Variants in LTBP2 observed in about 807,000 individuals in gnomAD.
LTBP2 encodes the protein latent-transforming growth factor beta-binding protein 2.
Under a neutral mutation model 210.6 loss-of-function variants are expected in LTBP2, and 103 were observed. The observed-to-expected ratio is 0.49, with a 90% CI of 0.42 to 0.58. The LOEUF is 0.58. Ranked by LOEUF, LTBP2 falls within the 20% of genes least tolerant of loss-of-function variation. The probability of loss-of-function intolerance (pLI) is 0.00; values close to 1 mark genes in which losing one functional copy is unlikely to be tolerated. For missense variants in LTBP2, 2,313 were observed against 2,494.5 expected (o/e 0.93, Z 1.55); for synonymous variants, 1,007 against 1,015.0 (o/e 0.99, Z 0.15).
rs764520050 is a variant in LTBP2 at position 74,506,899 on chromosome 14, ACT to A, written c.3908-78_3908-77del. 2.1e-5 allele frequency: 26 copies of A among 1,224,510 alleles called. 1 individual carries two copies. The highest frequency in any genetic ancestry group is 1.6e-4 in the East Asian group (5 of 32,018). The allele number at this position is 1,224,510 out of a possible 1,614,324, so 75.9% of individuals were successfully genotyped here. ...TGTGTGCGCGCGCGCGTGTGTGCTC[ACT>A]CTCTCACACGCATGCACACTCTCTC... On this transcript the variant is annotated intron_variant, in intron 26 of 35. Transcript: ENST00000261978.
rs577009479 is a variant in LTBP2 at position 74,506,028 on chromosome 14, A to G, written c.4177+20T>C. 17 of 1,613,804 alleles carry G rather than the reference A, an allele frequency of 1.1e-5. No individual in the cohort carries two copies. Among genetic ancestry groups the G allele is most frequent in the African/African-American group, 8.0e-5 (6 of 75,002 alleles). ...GTAAACCTCTGAGTCACCATGGATA[A>G]TGTGTCTCCCAGGCCTCACCTCCAG... On this transcript the variant is annotated intron_variant, in intron 28 of 35. Transcript: ENST00000261978.
Position 74,522,813 on chromosome 14 carries a change from T to C in LTBP2, c.2636A>G (p.His879Arg). ...ACCTGTGCAGTAGGCCTGGCTGGGGTGCAGCTGGTAGCCAGGGCTGCAGAC... is the reference window on the plus strand; with the variant it reads ...ACCTGTGCAGTAGGCCTGGCTGGGGCGCAGCTGGTAGCCAGGGCTGCAGAC... ...RCVCSPGYQL[H>R]PSQAYCTDDN... is the part of the protein sequence containing the mutation. The change falls in exon 16 of 36, where the codon CAC becomes CGC. Residue 879 changes from histidine to arginine, a missense_variant. Coordinates refer to ENST00000261978, the MANE Select transcript of LTBP2 (RefSeq NM_000428.3). 6.2e-7 allele frequency: 1 copy of C among 1,611,328 alleles called. No individual in the cohort carries two copies. The highest frequency in any genetic ancestry group is 8.5e-7 in the Non-Finnish European group (1 of 1,178,962).
At chr14:74,519,079 T>C (rs1233379921) in intron 17 of LTBP2, among the ~76,000 whole-genome samples, 2 of 152,180 alleles carry the variant, frequency 1.3e-5, no homozygotes, top group East Asian at 3.8e-4. Flanking sequence ...AATCAAAGCA[T>C]ACCATAAAAG....
At position 74,549,977 on chromosome 14, in the gene LTBP2, G is replaced by C. The variant is rs1335075729; in HGVS notation, c.1687-12C>G. ...AGAGGGTTGGCACACTGGAAGGAGAGGCCATGGACACCTGTGACCACCCCC... is the reference window on the plus strand; with the variant it reads ...AGAGGGTTGGCACACTGGAAGGAGACGCCATGGACACCTGTGACCACCCCC... On this transcript the variant is annotated splice_polypyrimidine_tract_variant and intron_variant, in intron 7 of 35. Coordinates refer to ENST00000261978, the MANE Select transcript of LTBP2 (RefSeq NM_000428.3). 3 of 1,566,878 alleles carry C rather than the reference G, an allele frequency of 1.9e-6. No individual in the cohort carries two copies. Among genetic ancestry groups the C allele is most frequent in the South Asian group, 1.1e-5 (1 of 90,130 alleles).
At chr14:74,582,572 T>A (rs1483180404) in intron 3 of LTBP2, among the ~76,000 whole-genome samples, 3 of 152,184 alleles carry the variant, frequency 2.0e-5, no homozygotes, top group Non-Finnish European at 4.4e-5. Context: ...TCTACTCACA[T>A]GGTCTCATTT....
intron 1 of LTBP2, among the ~76,000 whole-genome samples, chr14:74,610,924 G>C (rs1223791725): frequency 6.6e-6 from 1 of 152,198 alleles, no homozygotes; most frequent in Non-Finnish European, 1.5e-5. Flanking sequence ...TGCGCAGGCC[G>C]ACCCACGCCC....
chr14:74,604,706 G>T (rs1261614922), intron 1 of LTBP2, among the ~76,000 whole-genome samples: 1 of 152,064 alleles, frequency 6.6e-6, no homozygotes, highest in Admixed American at 6.6e-5. Flanking sequence ...GGCCAGGGTG[G>T]TCTCAAACTC....
intron 3 of LTBP2, among the ~76,000 whole-genome samples, chr14:74,566,066 C>G (rs1002000165): frequency 6.8e-6 from 1 of 146,896 alleles, no homozygotes; most frequent in Admixed American, 6.6e-5. Context: ...GTGCCTATAG[C>G]TGGGTTTTTT....
chr14:74,583,439 T>C (rs535683684), intron 3 of LTBP2, among the ~76,000 whole-genome samples: 25 of 152,310 alleles, frequency 1.6e-4, no homozygotes, highest in African/African-American at 5.3e-4. Flanking sequence ...GGGCCAACAG[T>C]AGGGCACTCC....
chr14:74,506,247 C>A lies in LTBP2; in HGVS notation c.4034-56G>T. ...GAAAAGAGGCAGCCCGTGCCCCCTGCCCCTGACTACAGCCCACTGCCCCCA... is the reference window on the plus strand; with the variant it reads ...GAAAAGAGGCAGCCCGTGCCCCCTGACCCTGACTACAGCCCACTGCCCCCA... On this transcript the variant is annotated intron_variant, in intron 27 of 35. Coordinates refer to ENST00000261978, the MANE Select transcript of LTBP2 (RefSeq NM_000428.3). 3 of 1,611,658 alleles carry A rather than the reference C, an allele frequency of 1.9e-6. No individual in the cohort carries two copies. In the South Asian group the frequency reaches 3.3e-5, roughly 18 times the overall value.
intron 2 of LTBP2, among the ~76,000 whole-genome samples, chr14:74,589,418 T>G (rs751090768): frequency 2.6e-5 from 4 of 152,186 alleles, no homozygotes; most frequent in Non-Finnish European, 4.4e-5. Context: ...AAGACCAGTC[T>G]ATCAGCAGAG....
intron 2 of LTBP2, among the ~76,000 whole-genome samples, chr14:74,590,598 AAAAAG>A (rs1287939601): frequency 6.6e-6 from 1 of 152,210 alleles, no homozygotes; most frequent in African/African-American, 2.4e-5. Context: ...TCAAAAAAAG[AAAAAG>A]AAAAGAAAAA....
intron 8 of LTBP2, among the ~76,000 whole-genome samples, chr14:74,537,028 CTTT>C (rs1314094029): frequency 6.6e-6 from 1 of 151,846 alleles, no homozygotes; most frequent in African/African-American, 2.4e-5. Context: ...TTACTTTTTG[CTTT>C]TTATTTTGAA....
chr14:74,564,125 T>TTA (rs1363933496), intron 3 of LTBP2, among the ~76,000 whole-genome samples: 1 of 16,158 alleles, frequency 6.2e-5, no homozygotes, highest in South Asian at 1.3e-3. Context: ...ATATATATAT[T>TTA]TATATATATA....
In LTBP2 at chr14:74,501,538, G is replaced by A. The variant is rs200772274; in HGVS notation, c.5223C>T (p.Asn1741=). The change falls in exon 35 of 36, where the codon AAC becomes AAT. Residue 1741 remains asparagine (N), a synonymous_variant. Transcript: ENST00000261978. ...GCACACAGCGGCCATTCTCACAGCC[G>A]TTCAGGATGCCGCACTCCTCCGCCT... ...GLQAEECGIL[N]GCENGRCVRV... 2.9e-5 allele frequency: 47 copies of A among 1,614,162 alleles called. No individual in the cohort carries two copies. Among genetic ancestry groups the A allele is most frequent in the Middle Eastern group, 3.3e-4 (2 of 6,062 alleles).
At chr14:74,563,637 AAAG>A (rs2087826013) in intron 3 of LTBP2, among the ~76,000 whole-genome samples, 1 of 152,194 alleles carries the variant, frequency 6.6e-6, no homozygotes, top group African/African-American at 2.4e-5. Context: ...GAAATCAAAA[AAAG>A]AATAATACCT....
intron 28 of LTBP2, among the ~76,000 whole-genome samples, chr14:74,505,605 A>G (rs1375908423): frequency 1.4e-5 from 2 of 146,688 alleles, no homozygotes; most frequent in East Asian, 4.3e-4. Flanking sequence ...CCCCCAAGGC[A>G]GTGAAGACCA....
At chr14:74,515,894 A>G (rs902646360) in intron 18 of LTBP2, among the ~76,000 whole-genome samples, 1 of 152,212 alleles carries the variant, frequency 6.6e-6, no homozygotes, top group African/African-American at 2.4e-5. Flanking sequence ...CTGGGGCTGA[A>G]GGCAGAGCTG....
chr14:74,502,559 C>T (rs755111689), intron 34 of LTBP2, 94 bp downstream of exon 34: 1 of 1,572,490 alleles, frequency 6.4e-7, no homozygotes, highest in Middle Eastern at 1.7e-4. Context: ...CTTCCCAGTC[C>T]TCACCCTGCT....
Sources: allele counts gnomAD v4.1 joint callset (sites outside exome capture counted in the v4.1 genomes callset), GRCh38; gene constraint gnomAD v4.1.1; transcripts MANE v1.5; gene names NCBI Gene and HGNC (gene_info 2026-07-23, HGNC 2026-07-21).